The following DROSHA variants were observed in gnomAD, a reference collection of about 807,000 sequenced individuals.
The protein encoded by DROSHA is drosha ribonuclease III.
DROSHA carries 56 observed loss-of-function variants against 181.9 expected under a neutral mutation model. That is an observed-to-expected ratio of 0.31 (90% CI 0.25 to 0.38). The LOEUF (loss-of-function observed/expected upper bound fraction) is 0.38, where lower values mean the gene tolerates loss of function less well. Among genes scored for constraint, DROSHA ranks in the 10% least tolerant of loss-of-function variants. The pLI is 1.00. For missense variants in DROSHA, 1,218 were observed against 1,743.5 expected (o/e 0.70, Z 5.37); for synonymous variants, 524 against 591.2 (o/e 0.89, Z 1.65).
intron 11 of DROSHA, among the ~76,000 whole-genome samples, chr5:31,502,902 G>A (rs890122526): frequency 6.6e-6 from 1 of 152,182 alleles, no homozygotes; most frequent in Non-Finnish European, 1.5e-5. Flanking sequence ...AAGAGAAGTG[G>A]CCTGAAGTTA....
Position 31,449,257 on chromosome 5 carries a change from C to A in DROSHA, c.2821+24G>T, listed in dbSNP as rs772067087. 2.5e-6 allele frequency: 4 copies of A among 1,611,784 alleles called. No individual in the cohort carries two copies. In the South Asian group the frequency reaches 4.4e-5, roughly 18 times the overall value. ...AACACAGGCCAAAATAGGAGATTCACATCTTAAAATCATCCAGACATACCT... is the reference window on the plus strand; with the variant it reads ...AACACAGGCCAAAATAGGAGATTCAAATCTTAAAATCATCCAGACATACCT... On this transcript the variant is annotated intron_variant, in intron 22 of 35. Transcript: ENST00000344624.
chr5:31,433,887 C>A (rs1232909876), intron 25 of DROSHA, among the ~76,000 whole-genome samples: 1 of 152,166 alleles, frequency 6.6e-6, no homozygotes, highest in Non-Finnish European at 1.5e-5. Context: ...GAGTGGTGTG[C>A]TACTGTTTAT....
Position 31,472,092 on chromosome 5 carries a change from T to C in DROSHA, c.2212A>G (p.Lys738Glu). ...CCAGGGTTGGTAACAATCATGCCTT[T>C]GCATTCTTCTGCATATTTCTGCCAC... is the stretch of plus-strand genomic sequence containing the variant. ...LEWQKYAEEC[K>E]GMIVTNPGTK... Residue 738 changes from lysine (K) to glutamate (E), a missense_variant, in exon 17 of 36, where the codon AAA becomes GAA. By Grantham distance (56) the Lys-to-Glu change is moderately conservative. Coordinates refer to ENST00000344624, the MANE Select transcript of DROSHA (RefSeq NM_001382508.1). The C allele has an allele frequency of 6.2e-7, 1 of 1,613,896 alleles. No individual in the cohort carries two copies. Among genetic ancestry groups the C allele is most frequent in the Non-Finnish European group, 8.5e-7 (1 of 1,179,850 alleles).
At chr5:31,491,260 G>A (rs1752369865) in intron 13 of DROSHA, among the ~76,000 whole-genome samples, 2 of 151,194 alleles carry the variant, frequency 1.3e-5, no homozygotes, top group South Asian at 4.2e-4. Context: ...AGAGAGAGGT[G>A]CCAGTATTTA....
chr5:31,499,608 G>A (rs1753358060), intron 11 of DROSHA, among the ~76,000 whole-genome samples: 1 of 152,148 alleles, frequency 6.6e-6, no homozygotes, highest in African/African-American at 2.4e-5. Flanking sequence ...GATCCTTCAG[G>A]GATGGATGGC....
chr5:31,484,067 G>T (rs1751392527), intron 15 of DROSHA, among the ~76,000 whole-genome samples: 1 of 152,120 alleles, frequency 6.6e-6, no homozygotes, highest in Admixed American at 6.5e-5. Context: ...GTAACTGTTT[G>T]CTAGAATACG....
At chr5:31,508,837 T>TTC (rs56327412) in intron 9 of DROSHA, 62 bp from the exon 10 acceptor site, 9 of 1,529,632 alleles carry the variant, frequency 5.9e-6, no homozygotes, top group Non-Finnish European at 7.0e-6. Flanking sequence ...TTTTTTTTTT[T>TTC]CCCTGAGTTG....
At chr5:31,529,344 A>C (rs1394868993) in intron 3 of DROSHA, among the ~76,000 whole-genome samples, 4 of 152,186 alleles carry the variant, frequency 2.6e-5, no homozygotes, top group African/African-American at 4.8e-5. Context: ...AGCTAAAAAG[A>C]CTTATAGGCA....
At chr5:31,437,981 T>C (rs756979741) in intron 23 of DROSHA, among the ~76,000 whole-genome samples, 1 of 152,162 alleles carries the variant, frequency 6.6e-6, no homozygotes, top group African/African-American at 2.4e-5. Flanking sequence ...GTTATCTTCT[T>C]TATGAAGCCC....
Position 31,494,267 on chromosome 5 carries a change from C to T in DROSHA, c.1756-974G>A, listed in dbSNP as rs565450799. On this transcript the variant is annotated intron_variant, in intron 12 of 35. Transcript: ENST00000344624. ...ACAGGCATGAGCCACCAGGCCCAGC[C>T]ATTTTTAACCTTAAATGCTAAATAT... 7.9e-5 allele frequency among the ~76,000 whole-genome samples: 12 copies of T among 152,150 alleles called. No individual in the cohort carries two copies. The East Asian group carries it at 9.7e-4, about 12-fold the overall frequency.
At chr5:31,529,962 T>C (rs148309102) in intron 3 of DROSHA, among the ~76,000 whole-genome samples, 1 of 152,278 alleles carries the variant, frequency 6.6e-6, no homozygotes, top group East Asian at 1.9e-4. Context: ...CTCACATAAA[T>C]ATTGAGTACA....
At chr5:31,462,639 A>G (rs1470132942) in intron 20 of DROSHA, among the ~76,000 whole-genome samples, 1 of 83,080 alleles carries the variant, frequency 1.2e-5, no homozygotes, top group East Asian at 2.8e-4. Flanking sequence ...TTGCTTCACA[A>G]AAAGAAAAAA....
chr5:31,475,303 G>GT (rs1420143128), intron 16 of DROSHA, among the ~76,000 whole-genome samples: 2 of 152,166 alleles, frequency 1.3e-5, no homozygotes, highest in African/African-American at 4.8e-5. Context: ...GGAGAACAAA[G>GT]TAAGACCCTG....
At chr5:31,510,428 T>C (rs6873967) in intron 9 of DROSHA, among the ~76,000 whole-genome samples, 150,424 of 152,312 alleles carry the variant, frequency 0.99, 74,311 homozygotes, top group East Asian at 1. Context: ...AGATAAGAGC[T>C]AGAGAGAACA....
chr5:31,491,822 T>A (rs1420893493), intron 13 of DROSHA, among the ~76,000 whole-genome samples: 1 of 152,216 alleles, frequency 6.6e-6, no homozygotes, highest in Non-Finnish European at 1.5e-5. Context: ...TGAGACATAG[T>A]TTCACTCTTC....
chr5:31,440,846 C>T (rs550663202), intron 23 of DROSHA, among the ~76,000 whole-genome samples: 23 of 151,962 alleles, frequency 1.5e-4, no homozygotes, highest in Non-Finnish European at 3.2e-4. Flanking sequence ...GTTTTCAAGG[C>T]GATTTCAAGG....
At chr5:31,464,389 A>T in intron 19 of DROSHA, 46 bp from the exon 20 acceptor site, 2 of 1,547,976 alleles carry the variant, frequency 1.3e-6, no homozygotes, top group Non-Finnish European at 1.8e-6. Context: ...GCTATAAAGC[A>T]ATAGTAAGCC....
At chr5:31,414,779 A>G (rs624057) in intron 30 of DROSHA, among the ~76,000 whole-genome samples, 11,430 of 152,244 alleles carry the variant, frequency 0.075, 1,394 homozygotes, top group African/African-American at 0.26. Flanking sequence ...TTTGTTTTCA[A>G]TGTAAAATGT....
At position 31,523,382 on chromosome 5, in the gene DROSHA, G is replaced by A. The variant is rs561324171; in HGVS notation, c.855-2167C>T. The stretch of plus-strand genomic sequence containing the variant: ...AAATCAGGTTAGAAGTAATTCTTAC[G>A]ACACTTGATTTTACTGAGATCCGCA... On this transcript the variant is annotated intron_variant, in intron 5 of 35. Transcript: ENST00000344624. 1.6e-4 allele frequency among the ~76,000 whole-genome samples: 25 copies of A among 152,264 alleles called. No individual in the cohort carries two copies. In the South Asian group the frequency reaches 1.7e-3, roughly 10 times the overall value.
Sources: gnomAD v4.1 joint callset for allele counts (sites outside exome capture counted in the v4.1 genomes callset) on GRCh38, gnomAD v4.1.1 for gene constraint, MANE v1.5 for transcripts, NCBI Gene and HGNC (gene_info 2026-07-23, HGNC 2026-07-21) for gene names.